The following GRM7 variants were observed in gnomAD, a reference collection of about 807,000 sequenced individuals.
GRM7 encodes glutamate metabotropic receptor 7.
GRM7 carries 35 observed loss-of-function variants against 84.5 expected under a neutral mutation model. That is an observed-to-expected ratio of 0.41 (90% CI 0.32 to 0.55). The LOEUF is 0.55. Ranked by LOEUF, GRM7 falls within the 20% of genes least tolerant of loss-of-function variation. GRM7 has a pLI of 0.19. For synonymous variants in GRM7, 487 were observed against 455.1 expected, an observed-to-expected ratio of 1.07 and a Z score of -0.89; for missense variants, 1,003 against 1,194.6, an observed-to-expected ratio of 0.84 and a Z score of 2.36.
At chr3:7,609,465 A>G (rs1345988114) in intron 8 of GRM7, among the ~76,000 whole-genome samples, 1 of 152,204 alleles carries the variant, frequency 6.6e-6, no homozygotes, top group Non-Finnish European at 1.5e-5. Flanking sequence ...AACAGGGCAG[A>G]GTAGAGGAGC....
At chr3:7,255,911 C>T (rs1197356628) in intron 2 of GRM7, among the ~76,000 whole-genome samples, 5 of 152,174 alleles carry the variant, frequency 3.3e-5, no homozygotes, top group Non-Finnish European at 5.9e-5. Context: ...GCACAGCTTA[C>T]ACAACTATTC....
intron 8 of GRM7, among the ~76,000 whole-genome samples, chr3:7,604,782 G>A (rs1374342885): frequency 6.6e-6 from 1 of 152,114 alleles, no homozygotes; most frequent in African/African-American, 2.4e-5. Context: ...AAAGTAAAGG[G>A]ACTCAATAAG....
At chr3:7,184,689 T>C (rs1695456234) in intron 2 of GRM7, among the ~76,000 whole-genome samples, 1 of 152,142 alleles carries the variant, frequency 6.6e-6, no homozygotes, top group Admixed American at 6.5e-5. Flanking sequence ...ACATGAACTC[T>C]TAATATATTT....
At chr3:6,980,205 A>C (rs1694145246) in intron 1 of GRM7, among the ~76,000 whole-genome samples, 1 of 152,134 alleles carries the variant, frequency 6.6e-6, no homozygotes, top group Non-Finnish European at 1.5e-5. Flanking sequence ...AAAACAAATA[A>C]AACTTACCTG....
At chr3:7,031,707 T>C (rs1007243503) in intron 1 of GRM7, among the ~76,000 whole-genome samples, 1 of 152,180 alleles carries the variant, frequency 6.6e-6, no homozygotes, top group African/African-American at 2.4e-5. Context: ...TGTACGTTGA[T>C]TGTATGTTCA....
rs543508542 is a variant in GRM7, at chr3:7,587,979, G to T, written c.2451+8622G>T. ...TTCTCCTCCCATCTCTGCTTCGTGGGATGTTTGGTGGGGTGGAAACTTGAA... is the reference window on the plus strand; with the variant it reads ...TTCTCCTCCCATCTCTGCTTCGTGGTATGTTTGGTGGGGTGGAAACTTGAA... On this transcript the variant is annotated intron_variant, in intron 8 of 9. Transcript: ENST00000357716. Among the ~76,000 whole-genome samples the T allele has an allele frequency of 8.5e-5, 13 of 152,184 alleles. No individual in the cohort carries two copies. The South Asian group carries it at 2.1e-3, about 24-fold the overall frequency.
chr3:7,145,377 A>C (rs1026353482), intron 1 of GRM7, among the ~76,000 whole-genome samples: 3 of 152,188 alleles, frequency 2.0e-5, no homozygotes, highest in Non-Finnish European at 2.9e-5. Flanking sequence ...AACAAATGTT[A>C]CGGTGCTTTG....
intron 8 of GRM7, among the ~76,000 whole-genome samples, chr3:7,648,835 C>T (rs374977849): frequency 6.6e-6 from 1 of 152,044 alleles, no homozygotes; most frequent in Admixed American, 6.6e-5. Flanking sequence ...TAGGACTTGG[C>T]GAAAGTCAGA....
At chr3:6,892,076 A>G (rs1311612845) in intron 1 of GRM7, among the ~76,000 whole-genome samples, 1 of 152,094 alleles carries the variant, frequency 6.6e-6, no homozygotes, top group Non-Finnish European at 1.5e-5. Flanking sequence ...CTTGGCTTTC[A>G]GCTCCATCAG....
At chr3:6,885,560 G>A (rs550213967) in intron 1 of GRM7, among the ~76,000 whole-genome samples, 66 of 152,270 alleles carry the variant, frequency 4.3e-4, no homozygotes, top group African/African-American at 1.4e-3. Flanking sequence ...ATCCAAGCCC[G>A]ACCCCCAAAG....
intron 7 of GRM7, among the ~76,000 whole-genome samples, chr3:7,520,439 G>A (rs1479430752): frequency 1.3e-5 from 2 of 151,688 alleles, no homozygotes; most frequent in African/African-American, 4.8e-5. Flanking sequence ...GGTCTTTCTT[G>A]CATCATTTAA....
chr3:7,592,516 T>C (rs954022356), intron 8 of GRM7, among the ~76,000 whole-genome samples: 1 of 152,140 alleles, frequency 6.6e-6, no homozygotes, highest in African/African-American at 2.4e-5. Flanking sequence ...GAGATGAGCC[T>C]GGAGGACAGG....
At chr3:7,197,906 G>A (rs1695932492) in intron 2 of GRM7, among the ~76,000 whole-genome samples, 1 of 152,070 alleles carries the variant, frequency 6.6e-6, no homozygotes, top group South Asian at 2.1e-4. Context: ...CAGGGCCCCA[G>A]TAAAGTTGAA....
chr3:7,004,750 A>G (rs2124882932), intron 1 of GRM7, among the ~76,000 whole-genome samples: 1 of 152,306 alleles, frequency 6.6e-6, no homozygotes, highest in African/African-American at 2.4e-5. Flanking sequence ...AATCCAATCC[A>G]TGTTTTTCCC....
intron 8 of GRM7, among the ~76,000 whole-genome samples, chr3:7,638,543 G>C (rs1384537848): frequency 6.6e-6 from 1 of 152,124 alleles, no homozygotes; most frequent in Non-Finnish European, 1.5e-5. Flanking sequence ...ATGCAACAAA[G>C]CCTTCCTGTA....
At chr3:6,909,363 T>G (rs1696689083) in intron 1 of GRM7, among the ~76,000 whole-genome samples, 1 of 152,172 alleles carries the variant, frequency 6.6e-6, no homozygotes, top group Non-Finnish European at 1.5e-5. Flanking sequence ...CTCACGTGTA[T>G]AATAAAGCAA....
chr3:7,171,157 C>T (rs191058938), intron 2 of GRM7, among the ~76,000 whole-genome samples: 180 of 152,252 alleles, frequency 1.2e-3, no homozygotes, highest in African/African-American at 4.1e-3. Context: ...AAGATGTCTG[C>T]AGAATTGATT....
At chr3:7,187,089 T>C (rs1235514850) in intron 2 of GRM7, among the ~76,000 whole-genome samples, 1 of 152,076 alleles carries the variant, frequency 6.6e-6, no homozygotes, top group Non-Finnish European at 1.5e-5. Flanking sequence ...CTGGGCAACA[T>C]AGTGAGACCC....
chr3:7,503,956 C>G (rs1428989813), intron 7 of GRM7, among the ~76,000 whole-genome samples: 1 of 152,092 alleles, frequency 6.6e-6, no homozygotes, highest in Admixed American at 6.6e-5. Context: ...TGGATGGACA[C>G]TGGGAATATC....
Sources: allele counts gnomAD v4.1 joint callset (sites outside exome capture counted in the v4.1 genomes callset), GRCh38; gene constraint gnomAD v4.1.1; transcripts MANE v1.5; gene names NCBI Gene and HGNC (gene_info 2026-07-23, HGNC 2026-07-21).